NALF1: variants seen among roughly 807,000 people sequenced by gnomAD.
NALF1 encodes the protein NALCN channel auxiliary factor 1.
In NALF1, 3 loss-of-function variants were observed where a neutral mutation model predicts 48.4. The observed-to-expected ratio is 0.06, with a 90% CI of 0.03 to 0.16. The LOEUF (loss-of-function observed/expected upper bound fraction) is 0.16, where lower values mean the gene tolerates loss of function less well. Among genes scored for constraint, NALF1 ranks in the 10% least tolerant of loss-of-function variants. NALF1 has a pLI of 1.00. For missense variants in NALF1, 526 were observed against 571.5 expected (o/e 0.92, Z 0.81); for synonymous variants, 262 against 245.7 (o/e 1.07, Z -0.62).
At chr13:107,652,644 G>A (rs1880475841) in intron 1 of NALF1, among the ~76,000 whole-genome samples, 1 of 152,000 alleles carries the variant, frequency 6.6e-6, no homozygotes, top group Non-Finnish European at 1.5e-5. Context: ...ATTACAGCAT[G>A]AACTCAAAAT....
intron 1 of NALF1, among the ~76,000 whole-genome samples, chr13:107,849,262 C>T (rs1880250391): frequency 2.0e-5 from 3 of 152,122 alleles, no homozygotes; most frequent in Non-Finnish European, 2.9e-5. Flanking sequence ...AACTATATGA[C>T]CTGCCTAGGT....
chr13:107,740,958 C>A (rs1264427015), intron 1 of NALF1, among the ~76,000 whole-genome samples: 1 of 152,012 alleles, frequency 6.6e-6, no homozygotes, highest in East Asian at 1.9e-4. Context: ...TTAAATTCAA[C>A]AGCTAGGGGG....
Position 107,204,025 on chromosome 13 carries a change from C to T in NALF1, c.1087+6559G>A, listed in dbSNP as rs139931544. Among the ~76,000 whole-genome samples, 293 of 110,376 alleles carry T rather than the reference C, an allele frequency of 2.7e-3. 1 individual carries two copies. The highest frequency in any genetic ancestry group is 9.2e-3 in the African/African-American group (279 of 30,388). 72.4% of individuals were successfully genotyped at this position (110,376 alleles called of 152,430 possible). A position where few individuals can be genotyped will look rare whatever the true frequency, so the allele number is the denominator to read the frequency against. ...GCAGAGAGGGGCGCCCACAAGCTCT[C>T]CCTGCTCTCCAGGTGAGCTGGAGGC... On this transcript the variant is annotated intron_variant, in intron 2 of 2. Coordinates refer to ENST00000375915, the MANE Select transcript of NALF1 (RefSeq NM_001080396.3).
chr13:107,229,518 G>C (rs556982239), intron 1 of NALF1, among the ~76,000 whole-genome samples: 1 of 152,098 alleles, frequency 6.6e-6, no homozygotes, highest in Non-Finnish European at 1.5e-5. Flanking sequence ...GGACGCCTTC[G>C]GCTCAGCTGC....
chr13:107,555,986 AAATT>A (rs1448798371), intron 1 of NALF1, among the ~76,000 whole-genome samples: 1 of 152,120 alleles, frequency 6.6e-6, no homozygotes, highest in Non-Finnish European at 1.5e-5. Context: ...TTTTACTATA[AAATT>A]ATTATTGAAT....
At chr13:107,494,915 A>G (rs1354325300) in intron 1 of NALF1, among the ~76,000 whole-genome samples, 1 of 152,236 alleles carries the variant, frequency 6.6e-6, no homozygotes, top group African/African-American at 2.4e-5. Flanking sequence ...AACAGAATGT[A>G]AAAGCACATA....
At chr13:107,368,099 C>G (rs1281028011) in intron 1 of NALF1, among the ~76,000 whole-genome samples, 1 of 152,102 alleles carries the variant, frequency 6.6e-6, no homozygotes, top group Non-Finnish European at 1.5e-5. Flanking sequence ...TAATTTGGCT[C>G]TTTATACCTC....
At chr13:107,841,100 C>A (rs1880032313) in intron 1 of NALF1, among the ~76,000 whole-genome samples, 1 of 152,104 alleles carries the variant, frequency 6.6e-6, no homozygotes, top group African/African-American at 2.4e-5. Context: ...AAGTGAATTG[C>A]ACAACTATTA....
chr13:107,518,300 G>A (rs1291369244), intron 1 of NALF1, among the ~76,000 whole-genome samples: 1 of 151,964 alleles, frequency 6.6e-6, no homozygotes, highest in Non-Finnish European at 1.5e-5. Flanking sequence ...TCCTTGGAGA[G>A]CTACACATGG....
At chr13:107,668,031 A>AT (rs1187385549) in intron 1 of NALF1, among the ~76,000 whole-genome samples, 5 of 152,114 alleles carry the variant, frequency 3.3e-5, no homozygotes, top group Admixed American at 6.6e-5. Flanking sequence ...TATATCAATT[A>AT]TTTTTTAAGT....
At chr13:107,851,494 T>C (rs1332983288) in intron 1 of NALF1, among the ~76,000 whole-genome samples, 8 of 151,780 alleles carry the variant, frequency 5.3e-5, no homozygotes, top group Non-Finnish European at 1.2e-4. Context: ...ATTTCCCATA[T>C]AAAAGACTCT....
chr13:107,433,214 T>C (rs929317334), intron 1 of NALF1, among the ~76,000 whole-genome samples: 1 of 152,216 alleles, frequency 6.6e-6, no homozygotes, highest in Non-Finnish European at 1.5e-5. Flanking sequence ...TTGGTAATTC[T>C]GTGAAGTAAA....
At chr13:107,481,664 A>G (rs1241683004) in intron 1 of NALF1, among the ~76,000 whole-genome samples, 3 of 152,160 alleles carry the variant, frequency 2.0e-5, no homozygotes, top group Non-Finnish European at 4.4e-5. Flanking sequence ...CTGGTGAAGC[A>G]GGATAAGTGA....
intron 1 of NALF1, among the ~76,000 whole-genome samples, chr13:107,729,199 T>G (rs889806356): frequency 6.6e-6 from 1 of 152,134 alleles, no homozygotes; most frequent in African/African-American, 2.4e-5. Context: ...TGTATAAAAA[T>G]ATACTTATAA....
At chr13:107,219,741 T>C (rs1177500085) in intron 1 of NALF1, among the ~76,000 whole-genome samples, 2 of 152,212 alleles carry the variant, frequency 1.3e-5, no homozygotes, top group East Asian at 3.8e-4. Context: ...AATGCAGATG[T>C]ATTCGTTTCT....
chr13:107,639,199 C>T (rs1880078822), intron 1 of NALF1, among the ~76,000 whole-genome samples: 2 of 152,144 alleles, frequency 1.3e-5, no homozygotes, highest in African/African-American at 4.8e-5. Context: ...TCCATGGCAG[C>T]TCAACTGACT....
intron 1 of NALF1, among the ~76,000 whole-genome samples, chr13:107,710,914 TAC>T (rs965695507): frequency 2.6e-5 from 4 of 151,460 alleles, no homozygotes; most frequent in East Asian, 1.9e-4. Flanking sequence ...TATTAATATA[TAC>T]ACACACACAA....
At chr13:107,532,774 GA>G (rs1876681014) in intron 1 of NALF1, among the ~76,000 whole-genome samples, 1 of 151,826 alleles carries the variant, frequency 6.6e-6, no homozygotes, top group African/African-American at 2.4e-5. Flanking sequence ...TTAATTTTCA[GA>G]AAATATAAAT....
chr13:107,570,002 C>A (rs970630970), intron 1 of NALF1, among the ~76,000 whole-genome samples: 5 of 151,804 alleles, frequency 3.3e-5, no homozygotes, highest in Non-Finnish European at 7.4e-5. Context: ...TCAATTTGTT[C>A]CTTGATAGTA....
Sources: allele counts gnomAD v4.1 joint callset (sites outside exome capture counted in the v4.1 genomes callset), GRCh38; gene constraint gnomAD v4.1.1; transcripts MANE v1.5; gene names NCBI Gene and HGNC (gene_info 2026-07-23, HGNC 2026-07-21).